Variants in MAGI2 observed in about 807,000 individuals in gnomAD.
The protein encoded by MAGI2 is membrane-associated guanylate kinase, WW and PDZ domain-containing protein 2.
MAGI2 carries 35 observed loss-of-function variants against 133.3 expected under a neutral mutation model. The ratio of observed to expected loss-of-function variants is 0.26; its 90% CI spans 0.20 to 0.35. MAGI2 has a LOEUF of 0.35. Among genes scored for constraint, MAGI2 ranks in the 10% least tolerant of loss-of-function variants. MAGI2 has a pLI of 1.00. For synonymous variants in MAGI2, 729 were observed against 710.6 expected (o/e 1.03, Z -0.41); for missense variants, 1,636 against 1,863.4 (o/e 0.88, Z 2.25).
chr7:78,274,148 A>G (rs1241195676), intron 9 of MAGI2, among the ~76,000 whole-genome samples: 1 of 152,074 alleles, frequency 6.6e-6, no homozygotes, highest in African/African-American at 2.4e-5. Context: ...GTTGATGCTG[A>G]TACTATTCCT....
chr7:78,466,585 T>G (rs1464819627), intron 6 of MAGI2, among the ~76,000 whole-genome samples: 1 of 152,196 alleles, frequency 6.6e-6, no homozygotes, highest in Middle Eastern at 3.2e-3. Flanking sequence ...GCTCTCTACT[T>G]GCCTTTTGTG....
rs200780561 is a variant in MAGI2, at chr7:79,290,398, A to T, written c.301+162622T>A. ...ATGTACATAATCTTTTTAATTTTAA[A>T]TTTTTTTGAATGGTCAGATTATAAA... On this transcript the variant is annotated intron_variant, in intron 1 of 21. Coordinates refer to ENST00000354212, the MANE Select transcript of MAGI2 (RefSeq NM_012301.4). 8.4e-3 allele frequency among the ~76,000 whole-genome samples: 1,274 copies of T among 151,002 alleles called. 19 individuals are homozygous for T. The highest frequency in any genetic ancestry group is 0.029 in the African/African-American group (1,189 of 41,272).
At chr7:78,066,907 T>C (rs955259560) in intron 21 of MAGI2, among the ~76,000 whole-genome samples, 11 of 152,230 alleles carry the variant, frequency 7.2e-5, no homozygotes, top group African/African-American at 2.2e-4. Flanking sequence ...CCCGTCTGCA[T>C]GCCCAACTTG....
chr7:78,814,505 C>T (rs1789384913), intron 2 of MAGI2, among the ~76,000 whole-genome samples: 1 of 152,080 alleles, frequency 6.6e-6, no homozygotes, highest in Admixed American at 6.5e-5. Context: ...ACTTGTCTAC[C>T]TCAGAAAGTG....
chr7:78,822,617 A>G (rs1459402410), intron 2 of MAGI2, among the ~76,000 whole-genome samples: 1 of 152,172 alleles, frequency 6.6e-6, no homozygotes, highest in African/African-American at 2.4e-5. Flanking sequence ...TGCTCAACAT[A>G]TATAATTAAC....
At chr7:78,154,534 T>C (rs545541224) in intron 16 of MAGI2, among the ~76,000 whole-genome samples, 2 of 152,344 alleles carry the variant, frequency 1.3e-5, no homozygotes, top group South Asian at 2.1e-4. Context: ...CTATGACCAC[T>C]GTCCTGAATA....
chr7:78,135,448 T>C (rs529001940), intron 16 of MAGI2, among the ~76,000 whole-genome samples: 1 of 152,130 alleles, frequency 6.6e-6, no homozygotes, highest in African/African-American at 2.4e-5. Context: ...GTTCTCAAAC[T>C]TTGGGGTGAT....
At chr7:78,297,530 G>T (rs1334747418) in intron 9 of MAGI2, among the ~76,000 whole-genome samples, 2 of 149,786 alleles carry the variant, frequency 1.3e-5, no homozygotes, top group East Asian at 2.0e-4. Context: ...ACATGCACAC[G>T]TATGTTTATT....
At chr7:79,122,264 C>CA (rs1427626487) in intron 1 of MAGI2, among the ~76,000 whole-genome samples, 3 of 152,086 alleles carry the variant, frequency 2.0e-5, no homozygotes, top group Non-Finnish European at 4.4e-5. Flanking sequence ...AGAGCCAAGG[C>CA]AAAAAATCTC....
chr7:78,335,460 C>G (rs75623315), intron 9 of MAGI2, among the ~76,000 whole-genome samples: 5,614 of 152,272 alleles, frequency 0.037, 158 homozygotes, highest in South Asian at 0.13. Context: ...ACTCTGCCAC[C>G]AACGTTGGAC....
intron 1 of MAGI2, among the ~76,000 whole-genome samples, chr7:79,083,903 T>C (rs568221487): frequency 2.6e-5 from 4 of 151,838 alleles, no homozygotes; most frequent in Admixed American, 6.6e-5. Flanking sequence ...TGGGAAGATA[T>C]GTCTTTCTAG....
intron 9 of MAGI2, among the ~76,000 whole-genome samples, chr7:78,343,139 C>G (rs185715158): frequency 2.6e-5 from 4 of 152,254 alleles, no homozygotes; most frequent in Admixed American, 6.5e-5. Context: ...TTGTTCATTA[C>G]TTTTTCATTT....
chr7:79,220,508 G>A (rs1035847437), intron 1 of MAGI2, among the ~76,000 whole-genome samples: 1 of 151,932 alleles, frequency 6.6e-6, no homozygotes, highest in Non-Finnish European at 1.5e-5. Context: ...CACACACACA[G>A]GAACAGAAAG....
chr7:79,082,915 T>G (rs75871243), intron 1 of MAGI2, among the ~76,000 whole-genome samples: 5,264 of 151,944 alleles, frequency 0.035, 202 homozygotes, highest in African/African-American at 0.086. Flanking sequence ...ACATTTTGGT[T>G]AAATTTACTC....
At chr7:78,818,308 A>T (rs1442904951) in intron 2 of MAGI2, among the ~76,000 whole-genome samples, 2 of 152,104 alleles carry the variant, frequency 1.3e-5, no homozygotes, top group Non-Finnish European at 2.9e-5. Flanking sequence ...TATTCCACAG[A>T]GGGAGGAAAG....
At chr7:79,434,569 T>A (rs1235043087) in intron 1 of MAGI2, among the ~76,000 whole-genome samples, 1 of 152,176 alleles carries the variant, frequency 6.6e-6, no homozygotes, top group African/African-American at 2.4e-5. Context: ...TAAATAGTGA[T>A]CACATTGTCA....
chr7:79,095,110 G>T (rs1215935191), intron 1 of MAGI2, among the ~76,000 whole-genome samples: 1 of 152,174 alleles, frequency 6.6e-6, no homozygotes, highest in Non-Finnish European at 1.5e-5. Context: ...AAAATCTGTT[G>T]TTTGGGTAGC....
At chr7:78,320,029 A>G (rs1787836545) in intron 9 of MAGI2, among the ~76,000 whole-genome samples, 1 of 152,226 alleles carries the variant, frequency 6.6e-6, no homozygotes, top group Non-Finnish European at 1.5e-5. Context: ...ATCTAGAAGA[A>G]ACGGATAAAT....
At chr7:79,303,278 T>G (rs560722460) in intron 1 of MAGI2, among the ~76,000 whole-genome samples, 99 of 134,320 alleles carry the variant, frequency 7.4e-4, no homozygotes, top group African/African-American at 2.6e-3. Context: ...CCAAAAAACA[T>G]TTGTACCCCA....
Sources: gnomAD v4.1 joint callset for allele counts (sites outside exome capture counted in the v4.1 genomes callset) on GRCh38, gnomAD v4.1.1 for gene constraint, MANE v1.5 for transcripts, NCBI Gene and HGNC (gene_info 2026-07-23, HGNC 2026-07-21) for gene names.